Variants in NXPE2 observed in about 807,000 individuals in gnomAD.
The protein encoded by NXPE2 is neurexophilin and PC-esterase domain family member 2.
A neutral mutation model predicts 34.4 loss-of-function variants in NXPE2; 34 were observed. The ratio of observed to expected loss-of-function variants is 0.99; its 90% CI spans 0.75 to 1.31. The LOEUF is 1.31. Ranked by LOEUF, NXPE2 falls within the 40% of genes most tolerant of loss-of-function variation. NXPE2 has a pLI of 0.00. For missense variants in NXPE2, 649 were observed against 672.5 expected (o/e 0.97, Z 0.39); for synonymous variants, 235 against 231.3 (o/e 1.02, Z -0.15).
At chr11:114,653,747 C>G in the NXPE2 span, among the ~76,000 whole-genome samples, 1 of 151,984 alleles carries the variant, frequency 6.6e-6, no homozygotes, top group Non-Finnish European at 1.5e-5. Flanking sequence ...CCAGGATGGT[C>G]TTGATCTCCT....
the NXPE2 span, among the ~76,000 whole-genome samples, chr11:114,782,904 T>C: frequency 6.6e-6 from 1 of 152,198 alleles, no homozygotes; most frequent in Non-Finnish European, 1.5e-5. Context: ...CCAAGCATTC[T>C]TAACCTTTAA....
the NXPE2 span, among the ~76,000 whole-genome samples, chr11:114,610,384 C>T: frequency 3.9e-5 from 6 of 152,012 alleles, no homozygotes; most frequent in East Asian, 5.8e-4. Context: ...AATATTGCCT[C>T]GTGGGTAACC....
the NXPE2 span, among the ~76,000 whole-genome samples, chr11:114,808,557 TA>T: frequency 1.0e-5 from 1 of 97,480 alleles, no homozygotes; most frequent in Non-Finnish European, 2.2e-5. Flanking sequence ...CAGAGAATAC[TA>T]CAAACATCTC....
the NXPE2 span, among the ~76,000 whole-genome samples, chr11:114,642,146 G>A: frequency 2.6e-5 from 4 of 152,032 alleles, no homozygotes; most frequent in Admixed American, 1.3e-4. Context: ...AACACTAGCA[G>A]TGAAAATTGT....
At chr11:114,513,088 G>T in the NXPE2 span, 1 of 518,468 alleles carries the variant, frequency 1.9e-6, no homozygotes, top group South Asian at 1.5e-5. Flanking sequence ...TGTTGAAGTT[G>T]ATCACCTTTC....
chr11:114,786,706 T>C, the NXPE2 span, among the ~76,000 whole-genome samples: 1 of 152,154 alleles, frequency 6.6e-6, no homozygotes, highest in East Asian at 1.9e-4. Context: ...TATCATTGTT[T>C]CTAGTTTGCC....
chr11:114,692,894 A>G (rs1234890731), intron 2 of NXPE2, among the ~76,000 whole-genome samples: 1 of 152,152 alleles, frequency 6.6e-6, no homozygotes, highest in Middle Eastern at 3.4e-3. Context: ...CGCAACAACT[A>G]TCTACTTTCT....
chr11:114,775,567 G>C, the NXPE2 span, among the ~76,000 whole-genome samples: 2 of 152,212 alleles, frequency 1.3e-5, no homozygotes, highest in African/African-American at 4.8e-5. Context: ...TTGAGAAAAA[G>C]GATATGAGAA....
chr11:114,744,278 G>A, the NXPE2 span, among the ~76,000 whole-genome samples: 1 of 152,146 alleles, frequency 6.6e-6, no homozygotes, highest in Non-Finnish European at 1.5e-5. Context: ...ACTCAGATGT[G>A]AATATTTCAA....
At chr11:114,730,726 T>A in the NXPE2 span, among the ~76,000 whole-genome samples, 4 of 152,212 alleles carry the variant, frequency 2.6e-5, no homozygotes, top group African/African-American at 9.6e-5. Context: ...GAAATGTTAC[T>A]GATTTTTCTA....
chr11:114,714,313 GTTCTTGTTCA>G, the NXPE2 span, among the ~76,000 whole-genome samples: 4 of 152,118 alleles, frequency 2.6e-5, no homozygotes, highest in Admixed American at 2.6e-4. Context: ...CCAATATCTT[GTTCTTGTTCA>G]TTCTTGTTCT....
chr11:114,611,128 C>T, the NXPE2 span, among the ~76,000 whole-genome samples: 1 of 148,394 alleles, frequency 6.7e-6, no homozygotes, highest in East Asian at 2.0e-4. Context: ...TTAGTATTGC[C>T]TCATGGGTCC....
chr11:114,597,692 T>C, the NXPE2 span, among the ~76,000 whole-genome samples: 1 of 152,002 alleles, frequency 6.6e-6, no homozygotes, highest in Non-Finnish European at 1.5e-5. Context: ...TGTCAGGGGA[T>C]ATGAAATGAG....
the NXPE2 span, among the ~76,000 whole-genome samples, chr11:114,488,601 A>T: frequency 6.6e-6 from 1 of 152,222 alleles, no homozygotes. Flanking sequence ...CCTGCTCCTG[A>T]ATGACTACTG....
the NXPE2 span, among the ~76,000 whole-genome samples, chr11:114,504,140 G>A: frequency 6.6e-6 from 1 of 152,158 alleles, no homozygotes; most frequent in African/African-American, 2.4e-5. Flanking sequence ...TGTCTGCAGG[G>A]GTGGGTTTTG....
At chr11:114,797,127 C>T in the NXPE2 span, among the ~76,000 whole-genome samples, 7 of 152,220 alleles carry the variant, frequency 4.6e-5, no homozygotes, top group South Asian at 2.1e-4. Flanking sequence ...GCATGACTCA[C>T]GGTGTATTAA....
At chr11:114,594,114 T>C in the NXPE2 span, among the ~76,000 whole-genome samples, 1 of 152,116 alleles carries the variant, frequency 6.6e-6, no homozygotes, top group Non-Finnish European at 1.5e-5. Flanking sequence ...TAGCATTTGA[T>C]AGTATAACAG....
chr11:114,757,478 CTCTT>C, the NXPE2 span, among the ~76,000 whole-genome samples: 5 of 152,174 alleles, frequency 3.3e-5, no homozygotes, highest in African/African-American at 1.2e-4. Flanking sequence ...TCAGTGTCCT[CTCTT>C]TCTGAAGTTT....
At chr11:114,466,463 G>A in the NXPE2 span, among the ~76,000 whole-genome samples, 1 of 152,152 alleles carries the variant, frequency 6.6e-6, no homozygotes, top group East Asian at 1.9e-4. Context: ...CTGGTGAGCA[G>A]CACTGGATAA....
Sources: allele counts gnomAD v4.1 joint callset (sites outside exome capture counted in the v4.1 genomes callset), GRCh38; gene constraint gnomAD v4.1.1; transcripts MANE v1.5; gene names NCBI Gene and HGNC (gene_info 2026-07-23, HGNC 2026-07-21).